Variants in ULK4 observed in about 807,000 individuals in gnomAD.
ULK4 encodes unc-51 like kinase 4, also known as inactive serine/threonine-protein kinase ULK4.
Under a neutral mutation model 160.6 loss-of-function variants are expected in ULK4, and 133 were observed. That is an observed-to-expected ratio of 0.83 (90% CI 0.72 to 0.96). The LOEUF (loss-of-function observed/expected upper bound fraction) is 0.96, where lower values mean the gene tolerates loss of function less well. Among genes scored for constraint, ULK4 ranks in the 40% least tolerant of loss-of-function variants. The pLI, the probability that ULK4 is intolerant of heterozygous loss-of-function variation, is 0.00. For synonymous variants in ULK4, 534 were observed against 539.8 expected, an observed-to-expected ratio of 0.99 and a Z score of 0.15; for missense variants, 1,580 against 1,499.5, an observed-to-expected ratio of 1.05 and a Z score of -0.89.
At chr3:41,281,019 T>C (rs1191969548) in intron 35 of ULK4, among the ~76,000 whole-genome samples, 2 of 152,182 alleles carry the variant, frequency 1.3e-5, no homozygotes, top group African/African-American at 2.4e-5. Flanking sequence ...CAGAGAATAC[T>C]ATAAACACGT....
chr3:41,683,632 T>G (rs572170027), intron 27 of ULK4, among the ~76,000 whole-genome samples: 1 of 151,804 alleles, frequency 6.6e-6, no homozygotes, highest in Non-Finnish European at 1.5e-5. Context: ...CTTCTTCCTT[T>G]TTCCTTCCCT....
Position 41,570,539 on chromosome 3 carries a change from T to C in ULK4, c.3121-4409A>G, listed in dbSNP as rs149280145. Among the ~76,000 whole-genome samples the C allele has an allele frequency of 1.6e-3, 237 of 152,296 alleles. 1 individual carries two copies. Among genetic ancestry groups the C allele is most frequent in the Middle Eastern group, 3.4e-3 (1 of 294 alleles). The stretch of plus-strand genomic sequence containing the variant: ...TTTATTTTGGTCCCATTTGGTAAAA[T>C]GACACATACTGCTCCTTGTTCAAAG... On this transcript the variant is annotated intron_variant, in intron 31 of 36. Coordinates refer to ENST00000301831, the MANE Select transcript of ULK4 (RefSeq NM_017886.4).
At chr3:41,623,575 A>C (rs1350073036) in intron 30 of ULK4, among the ~76,000 whole-genome samples, 1 of 152,226 alleles carries the variant, frequency 6.6e-6, no homozygotes, top group African/African-American at 2.4e-5. Flanking sequence ...GATAAGGATG[A>C]ATTATCCTAA....
At chr3:41,571,967 G>A (rs1206724348) in intron 31 of ULK4, among the ~76,000 whole-genome samples, 1 of 152,152 alleles carries the variant, frequency 6.6e-6, no homozygotes, top group Non-Finnish European at 1.5e-5. Context: ...CCCGAGCTGG[G>A]GCAAGACAGC....
intron 32 of ULK4, among the ~76,000 whole-genome samples, chr3:41,522,549 G>A (rs1488028868): frequency 6.6e-6 from 1 of 152,028 alleles, no homozygotes; most frequent in Non-Finnish European, 1.5e-5. Flanking sequence ...CAAACACTAG[G>A]GAGAAAGCTT....
chr3:41,553,956 G>C (rs1443076729), intron 32 of ULK4, among the ~76,000 whole-genome samples: 3 of 151,904 alleles, frequency 2.0e-5, no homozygotes. Context: ...GTAACCGTTA[G>C]CCATCCCCAC....
chr3:41,533,974 A>T (rs2086407027), intron 32 of ULK4, among the ~76,000 whole-genome samples: 1 of 151,948 alleles, frequency 6.6e-6, no homozygotes, highest in African/African-American at 2.4e-5. Context: ...CGCCCGGCTA[A>T]TTTTTTGTAT....
rs141634376 is a variant in ULK4 at position 41,544,354 on chromosome 3, C to A, written c.3226+21671G>T. Among the ~76,000 whole-genome samples, 87 of 152,318 alleles carry A rather than the reference C, an allele frequency of 5.7e-4. No homozygotes were observed. In the East Asian group the frequency reaches 0.013, roughly 23 times the overall value. The stretch of plus-strand genomic sequence containing the variant: ...ATGCCTTAAATCAGTAAGTCTTCCA[C>A]CCTTTGCCAAGGGGCTGTTTATATG... On this transcript the variant is annotated intron_variant, in intron 32 of 36. Transcript: ENST00000301831.
chr3:41,812,290 C>CAAACA (rs967568982), intron 19 of ULK4, among the ~76,000 whole-genome samples: 65 of 152,040 alleles, frequency 4.3e-4, no homozygotes, highest in Admixed American at 9.2e-4. Context: ...GTCTCAAAAA[C>CAAACA]AAACAAAACA....
rs2125688000 is a variant in ULK4 at position 41,273,350 on chromosome 3, A to G, written c.3679-23776T>C. 1.3e-5 allele frequency among the ~76,000 whole-genome samples: 2 copies of G among 152,238 alleles called. 1 individual carries two copies. Among genetic ancestry groups the G allele is most frequent in the South Asian group, 4.1e-4 (2 of 4,826 alleles). The stretch of plus-strand genomic sequence containing the variant: ...TGCCCCAGGAACTATAAGGTTTTCT[A>G]GTTTGCCTGGTGGGAATGGGCACTA... On this transcript the variant is annotated intron_variant, in intron 35 of 36. Coordinates refer to ENST00000301831, the MANE Select transcript of ULK4 (RefSeq NM_017886.4).
intron 22 of ULK4, among the ~76,000 whole-genome samples, chr3:41,737,290 A>G (rs2038088056): frequency 6.6e-6 from 1 of 152,022 alleles, no homozygotes; most frequent in South Asian, 2.1e-4. Flanking sequence ...TAAAATACTT[A>G]GGAATCCAAC....
intron 2 of ULK4, among the ~76,000 whole-genome samples, chr3:41,941,741 G>A (rs562341483): frequency 1.1e-5 from 1 of 89,850 alleles, no homozygotes; most frequent in South Asian, 5.0e-4. Flanking sequence ...GAGTGACAGA[G>A]TGAGACTCTG....
At chr3:41,672,341 A>G (rs1325641363) in intron 29 of ULK4, among the ~76,000 whole-genome samples, 1 of 152,198 alleles carries the variant, frequency 6.6e-6, no homozygotes, top group Non-Finnish European at 1.5e-5. Flanking sequence ...AATGTGGTAT[A>G]TGTACCCAAT....
At chr3:41,503,116 G>A (rs2125917361) in intron 32 of ULK4, among the ~76,000 whole-genome samples, 1 of 152,306 alleles carries the variant, frequency 6.6e-6, no homozygotes, top group Admixed American at 6.5e-5. Flanking sequence ...GGTTGACAAG[G>A]AGGTCAGAGA....
chr3:41,598,584 AT>A (rs2031848039), intron 31 of ULK4, among the ~76,000 whole-genome samples: 2 of 152,196 alleles, frequency 1.3e-5, no homozygotes, highest in African/African-American at 2.4e-5. Context: ...TTAGAAAAAA[AT>A]ATCATAAATT....
chr3:41,707,432 C>T (rs1202186354), intron 25 of ULK4, among the ~76,000 whole-genome samples: 3 of 151,992 alleles, frequency 2.0e-5, no homozygotes, highest in African/African-American at 7.2e-5. Context: ...AGACAACTTA[C>T]GGAATGGGAA....
intron 20 of ULK4, among the ~76,000 whole-genome samples, chr3:41,796,896 C>T (rs192311856): frequency 1.3e-5 from 2 of 152,156 alleles, no homozygotes; most frequent in East Asian, 1.9e-4. Flanking sequence ...CAGAACGGTA[C>T]GTGGTATCAG....
At chr3:41,677,820 G>A (rs1272267374) in intron 29 of ULK4, among the ~76,000 whole-genome samples, 1 of 151,938 alleles carries the variant, frequency 6.6e-6, no homozygotes, top group Non-Finnish European at 1.5e-5. Flanking sequence ...CATTTTTCTG[G>A]GTATGGCTGT....
intron 35 of ULK4, among the ~76,000 whole-genome samples, chr3:41,308,655 A>T (rs1266069657): frequency 6.6e-6 from 1 of 152,210 alleles, no homozygotes; most frequent in Non-Finnish European, 1.5e-5. Flanking sequence ...CAGAAAATAG[A>T]TACGGGTTGA....
Sources: allele counts gnomAD v4.1 joint callset (sites outside exome capture counted in the v4.1 genomes callset), GRCh38; gene constraint gnomAD v4.1.1; transcripts MANE v1.5; gene names NCBI Gene and HGNC (gene_info 2026-07-23, HGNC 2026-07-21).